The following GTF2B variants were observed in gnomAD, a reference collection of about 807,000 sequenced individuals.
GTF2B encodes the protein transcription initiation factor IIB.
GTF2B carries 20 observed loss-of-function variants against 34.6 expected under a neutral mutation model. That is an observed-to-expected ratio of 0.58 (90% CI 0.41 to 0.84). The LOEUF (loss-of-function observed/expected upper bound fraction) is 0.84, where lower values mean the gene tolerates loss of function less well. Ranked by LOEUF, GTF2B falls within the 40% of genes least tolerant of loss-of-function variation. The pLI is 0.00. For synonymous variants in GTF2B, 142 were observed against 132.4 expected, an observed-to-expected ratio of 1.07 and a Z score of -0.50; for missense variants, 237 against 393.3, an observed-to-expected ratio of 0.60 and a Z score of 3.36.
chr1:88,891,133 GC>G (rs1444612791), intron 1 of GTF2B, among the ~76,000 whole-genome samples: 2 of 108,388 alleles, frequency 1.8e-5, no homozygotes, highest in African/African-American at 3.5e-5. Flanking sequence ...GGGGGGGGGC[GC>G]GGGGGAGGAG....
In GTF2B at chr1:88,862,975, A is replaced by G. The variant is rs79879867; in HGVS notation, c.258+1006T>C. On this transcript the variant is annotated intron_variant, in intron 3 of 6. Coordinates refer to ENST00000370500, the MANE Select transcript of GTF2B (RefSeq NM_001514.6). ...AAGACTTTTTTGGAAAAAAAAAAAA[A>G]AGAGACTATGCAATAGTATACATGA... is the stretch of plus-strand genomic sequence containing the variant. Among the ~76,000 whole-genome samples, 5 of 152,152 alleles carry G rather than the reference A, an allele frequency of 3.3e-5. No individual in the cohort carries two copies. The East Asian group carries it at 5.8e-4, about 18-fold the overall frequency.
chr1:88,882,180 C>T (rs1319575892), intron 2 of GTF2B, among the ~76,000 whole-genome samples: 1 of 151,778 alleles, frequency 6.6e-6, no homozygotes, highest in Non-Finnish European at 1.5e-5. Context: ...TGTGGTGGTG[C>T]ATGCCTGTAA....
intron 1 of GTF2B, among the ~76,000 whole-genome samples, chr1:88,888,978 G>A (rs755130763): frequency 9.2e-5 from 14 of 152,190 alleles, no homozygotes; most frequent in African/African-American, 1.9e-4. Flanking sequence ...ATATGTATGT[G>A]CTCACTTTGT....
At chr1:88,890,920 T>A (rs977288964) in intron 1 of GTF2B, among the ~76,000 whole-genome samples, 2 of 152,188 alleles carry the variant, frequency 1.3e-5, no homozygotes, top group East Asian at 3.9e-4. Context: ...ACTAATCAAC[T>A]CTTCCGATGG....
intron 6 of GTF2B, among the ~76,000 whole-genome samples, chr1:88,856,539 C>G (rs1310443909): frequency 5.9e-5 from 9 of 151,962 alleles, no homozygotes; most frequent in Admixed American, 5.9e-4. Flanking sequence ...CAGTGAGAAA[C>G]AAAGCATGGC....
chr1:88,882,741 C>T (rs1020932511), intron 2 of GTF2B, among the ~76,000 whole-genome samples: 2 of 152,022 alleles, frequency 1.3e-5, no homozygotes, highest in South Asian at 2.1e-4. Flanking sequence ...TGCCAAATAC[C>T]GATATTAATC....
At chr1:88,890,268 T>TAGAATGACTGAGCATCCAATCCAAG (rs1674170256) in intron 1 of GTF2B, among the ~76,000 whole-genome samples, 1 of 151,914 alleles carries the variant, frequency 6.6e-6, no homozygotes, top group Non-Finnish European at 1.5e-5. Flanking sequence ...AACACCCAGA[T>TAGAATGACTGAGCATCCAATCCAAG]AGAATGACTG....
At chr1:88,891,387 G>A (rs914425751) in intron 1 of GTF2B, 96 bp downstream of exon 1, 5 of 869,314 alleles carry the variant, frequency 5.8e-6, no homozygotes, top group African/African-American at 3.4e-5. Context: ...CATACCCCTA[G>A]GCGCTCAGCC....
chr1:88,858,160 C>T (rs1265199506), intron 5 of GTF2B, among the ~76,000 whole-genome samples: 27 of 151,606 alleles, frequency 1.8e-4, no homozygotes, highest in Middle Eastern at 3.4e-3. Flanking sequence ...CCACCACACC[C>T]GGCTAATTTT....
rs185756416 is a variant in GTF2B at position 88,870,932 on chromosome 1, C to T, written c.125-6818G>A. ...TTTTTTTTTTTTTGAGATGGAGTCT[C>T]GCTCAGTCACCCAGGCTGGAGCGCA... On this transcript the variant is annotated intron_variant, in intron 2 of 6. Transcript: ENST00000370500. Among the ~76,000 whole-genome samples, 15 of 134,272 alleles carry T rather than the reference C, an allele frequency of 1.1e-4. No homozygotes were observed. In the East Asian group the frequency reaches 2.6e-3, roughly 23 times the overall value. 88.1% of individuals were successfully genotyped at this position (134,272 alleles called of 152,430 possible). A position where few individuals can be genotyped will look rare whatever the true frequency, so the allele number is the denominator to read the frequency against.
At chr1:88,858,961 G>A (rs551039261) in intron 5 of GTF2B, among the ~76,000 whole-genome samples, 5 of 150,788 alleles carry the variant, frequency 3.3e-5, no homozygotes, top group African/African-American at 9.7e-5. Context: ...TCTGCCTCCC[G>A]GTTTCAAGCG....
At chr1:88,866,975 C>T (rs891844205) in intron 2 of GTF2B, among the ~76,000 whole-genome samples, 2 of 152,130 alleles carry the variant, frequency 1.3e-5, no homozygotes, top group Non-Finnish European at 2.9e-5. Context: ...TTTCCTCTTC[C>T]TCATAATAAA....
chr1:88,882,094 G>C (rs897560727), intron 2 of GTF2B, among the ~76,000 whole-genome samples: 4 of 152,042 alleles, frequency 2.6e-5, no homozygotes, highest in Non-Finnish European at 5.9e-5. Context: ...TGGAACACTT[G>C]AGGCCAGGAG....
chr1:88,853,165 C>A lies in GTF2B; in HGVS notation c.*48G>T. 4 of 1,591,058 alleles carry A rather than the reference C, an allele frequency of 2.5e-6. No homozygotes were observed. Among genetic ancestry groups the A allele is most frequent in the Non-Finnish European group, 3.5e-6 (4 of 1,159,120 alleles). ...CCCAGCATTTTGTATAGGCTATGTACAACAGGCAAAGTTTTGTATTCAAGA... is the reference window on the plus strand; with the variant it reads ...CCCAGCATTTTGTATAGGCTATGTAAAACAGGCAAAGTTTTGTATTCAAGA... On this transcript the variant is annotated 3_prime_UTR_variant, in exon 7 of 7. Transcript: ENST00000370500.
At chr1:88,855,448 G>A (rs1396239990) in intron 6 of GTF2B, among the ~76,000 whole-genome samples, 1 of 148,492 alleles carries the variant, frequency 6.7e-6, no homozygotes, top group East Asian at 2.0e-4. Flanking sequence ...TGCCTCCCAA[G>A]TTCAAGAGAT....
chr1:88,888,807 A>G (rs893804092), intron 1 of GTF2B, among the ~76,000 whole-genome samples: 2 of 152,250 alleles, frequency 1.3e-5, no homozygotes, highest in Admixed American at 1.3e-4. Context: ...AGCAGAATAC[A>G]TATGCCATTT....
rs750395145 is a variant in GTF2B at position 88,860,251 on chromosome 1, A to G, written c.294T>C (p.Asn98=). The G allele has an allele frequency of 5.9e-5, 95 of 1,613,964 alleles. No homozygotes were observed. Among genetic ancestry groups the G allele is most frequent in the Non-Finnish European group, 7.5e-5 (88 of 1,179,958 alleles). Residue 98 remains asparagine (N), a synonymous_variant, in exon 4 of 7, where the codon AAT becomes AAC. Coordinates refer to ENST00000370500, the MANE Select transcript of GTF2B (RefSeq NM_001514.6). ...TTGTTCTCCGATTCTGGTACTTAGA[A>G]TTGCCAAATTCGTCAAAACTTGCAG... ...TGAASFDEFG[N]SKYQNRRTMS... is the part of the protein sequence containing the mutation.
intron 1 of GTF2B, among the ~76,000 whole-genome samples, chr1:88,891,142 GAGA>G (rs1186682664): frequency 7.6e-5 from 9 of 118,454 alleles, no homozygotes; most frequent in African/African-American, 9.3e-5. Context: ...CGCGGGGGAG[GAGA>G]GGAGGGAGGG....
At chr1:88,863,039 G>C (rs2100966121) in intron 3 of GTF2B, among the ~76,000 whole-genome samples, 1 of 151,610 alleles carries the variant, frequency 6.6e-6, no homozygotes, top group South Asian at 2.1e-4. Context: ...TTAGCCCTCA[G>C]TAATACCGTC....
Sources: allele counts gnomAD v4.1 joint callset (sites outside exome capture counted in the v4.1 genomes callset), GRCh38; gene constraint gnomAD v4.1.1; transcripts MANE v1.5; gene names NCBI Gene and HGNC (gene_info 2026-07-23, HGNC 2026-07-21).